Variants in NKAIN2 observed in about 807,000 individuals in gnomAD.
NKAIN2 encodes sodium/potassium-transporting ATPase subunit beta-1-interacting protein 2.
Under a neutral mutation model 32.6 loss-of-function variants are expected in NKAIN2, and 14 were observed. The ratio of observed to expected loss-of-function variants is 0.43; its 90% confidence interval spans 0.28 to 0.67. The LOEUF (loss-of-function observed/expected upper bound fraction) is 0.67. NKAIN2 is among the 30% of genes least tolerant of loss of function. NKAIN2 has a pLI of 0.17. For synonymous variants in NKAIN2, 80 were observed against 87.2 expected (o/e 0.92, Z 0.46); for missense variants, 198 against 258.3 (o/e 0.77, Z 1.60).
At chr6:123,894,248 G>A (rs569730703) in intron 1 of NKAIN2, among the ~76,000 whole-genome samples, 1 of 152,162 alleles carries the variant, frequency 6.6e-6, no homozygotes, top group Non-Finnish European at 1.5e-5. Context: ...GCTTGGCCAG[G>A]CAGAAGCTGT....
chr6:124,194,996 CT>C (rs11312469), intron 1 of NKAIN2, among the ~76,000 whole-genome samples: 108,798 of 143,686 alleles, frequency 0.76, 41,346 homozygotes, highest in South Asian at 0.84. Flanking sequence ...ATATTATTGG[CT>C]TTTTTTTTTT....
intron 4 of NKAIN2, among the ~76,000 whole-genome samples, chr6:124,714,759 T>C (rs934279373): frequency 3.3e-5 from 5 of 152,214 alleles, no homozygotes; most frequent in African/African-American, 1.2e-4. Context: ...GGAAGGGCTA[T>C]TCCCTTCTGG....
chr6:123,983,650 C>T (rs948323681), intron 1 of NKAIN2, among the ~76,000 whole-genome samples: 4 of 152,060 alleles, frequency 2.6e-5, no homozygotes, highest in African/African-American at 9.7e-5. Flanking sequence ...TACCCCCCCA[C>T]CTCTTGTCTG....
chr6:124,701,655 T>C (rs1347104092), intron 4 of NKAIN2, among the ~76,000 whole-genome samples: 1 of 152,046 alleles, frequency 6.6e-6, no homozygotes, highest in Admixed American at 6.6e-5. Flanking sequence ...ATAAAGAAAA[T>C]TTTATTTTTC....
At chr6:123,873,523 T>C (rs1255101302) in intron 1 of NKAIN2, among the ~76,000 whole-genome samples, 2 of 152,210 alleles carry the variant, frequency 1.3e-5, no homozygotes, top group African/African-American at 4.8e-5. Context: ...CTTTATATTT[T>C]TGAAGGTTTC....
intron 3 of NKAIN2, among the ~76,000 whole-genome samples, chr6:124,505,891 G>A (rs1426225555): frequency 1.3e-5 from 2 of 151,928 alleles, no homozygotes; most frequent in Non-Finnish European, 2.9e-5. Flanking sequence ...ATTGTTTCCC[G>A]GGCCGGGGGC....
intron 6 of NKAIN2, among the ~76,000 whole-genome samples, chr6:124,822,928 A>G (rs1275895076): frequency 6.6e-6 from 1 of 152,202 alleles, no homozygotes; most frequent in Non-Finnish European, 1.5e-5. Context: ...AATATATCAC[A>G]CAACATTTGT....
intron 4 of NKAIN2, among the ~76,000 whole-genome samples, chr6:124,763,016 TGGAGAA>T (rs1354929489): frequency 6.6e-6 from 1 of 152,202 alleles, no homozygotes. Flanking sequence ...TGGGTAAACC[TGGAGAA>T]CATTATGCTA....
chr6:123,927,070 T>C (rs1237743837), intron 1 of NKAIN2, among the ~76,000 whole-genome samples: 1 of 152,208 alleles, frequency 6.6e-6, no homozygotes, highest in Admixed American at 6.5e-5. Context: ...GGTTATAAGC[T>C]GAGACATCAG....
At chr6:124,149,684 G>C (rs1053005184) in intron 1 of NKAIN2, among the ~76,000 whole-genome samples, 1 of 152,174 alleles carries the variant, frequency 6.6e-6, no homozygotes, top group Non-Finnish European at 1.5e-5. Flanking sequence ...TGACTGTAAT[G>C]ATTGTAATGG....
intron 3 of NKAIN2, among the ~76,000 whole-genome samples, chr6:124,585,912 AT>A (rs1781696507): frequency 6.6e-6 from 1 of 152,204 alleles, no homozygotes; most frequent in South Asian, 2.1e-4. Flanking sequence ...TTGTCTAATT[AT>A]TTAAAAGATC....
At chr6:124,078,354 A>T (rs1326224329) in intron 1 of NKAIN2, among the ~76,000 whole-genome samples, 1 of 151,964 alleles carries the variant, frequency 6.6e-6, no homozygotes, top group Non-Finnish European at 1.5e-5. Context: ...TTTTAAATCA[A>T]CAAGTGCTTA....
intron 3 of NKAIN2, among the ~76,000 whole-genome samples, chr6:124,458,985 C>G (rs1483867329): frequency 3.3e-5 from 5 of 151,796 alleles, no homozygotes; most frequent in African/African-American, 1.2e-4. Context: ...ACTTCTGGGT[C>G]AAGCCATCAG....
chr6:124,126,546 T>G (rs1194117563), intron 1 of NKAIN2, among the ~76,000 whole-genome samples: 1 of 151,496 alleles, frequency 6.6e-6, no homozygotes, highest in Non-Finnish European at 1.5e-5. Context: ...GAAAGCCACC[T>G]CTTCCAAATG....
At chr6:124,230,116 A>G (rs569206733) in intron 1 of NKAIN2, among the ~76,000 whole-genome samples, 1 of 152,280 alleles carries the variant, frequency 6.6e-6, no homozygotes, top group South Asian at 2.1e-4. Context: ...ACAGTCTGAG[A>G]TGATCTCAGA....
chr6:124,123,869 A>G (rs1427097322), intron 1 of NKAIN2, among the ~76,000 whole-genome samples: 2 of 152,064 alleles, frequency 1.3e-5, no homozygotes, highest in African/African-American at 4.8e-5. Flanking sequence ...TGATTGCCTA[A>G]TCAATGTTAA....
chr6:124,194,677 C>T (rs1414674172), intron 1 of NKAIN2, among the ~76,000 whole-genome samples: 2 of 151,854 alleles, frequency 1.3e-5, no homozygotes, highest in African/African-American at 2.4e-5. Context: ...TTCCATAGTA[C>T]ACGATGCTAT....
At chr6:124,038,828 C>T (rs938861623) in intron 1 of NKAIN2, among the ~76,000 whole-genome samples, 8 of 152,112 alleles carry the variant, frequency 5.3e-5, no homozygotes, top group South Asian at 2.1e-4. Flanking sequence ...GTACTGTTTC[C>T]ACTGTTATCA....
intron 3 of NKAIN2, among the ~76,000 whole-genome samples, chr6:124,360,752 T>G (rs1164080083): frequency 1.3e-5 from 2 of 152,220 alleles, no homozygotes; most frequent in African/African-American, 4.8e-5. Context: ...CTAATGCTAA[T>G]GCATTGAGAT....
Sources: gnomAD v4.1 joint callset for allele counts (sites outside exome capture counted in the v4.1 genomes callset) on GRCh38, gnomAD v4.1.1 for gene constraint, MANE v1.5 for transcripts, NCBI Gene and HGNC (gene_info 2026-07-23, HGNC 2026-07-21) for gene names.